Variants in LRRC37A2 observed in about 807,000 individuals in gnomAD.
LRRC37A2 encodes leucine-rich repeat-containing protein 37A2.
LRRC37A2 carries 9 observed loss-of-function variants against 68.8 expected under a neutral mutation model. The observed-to-expected ratio is 0.13, with a 90% CI of 0.08 to 0.23. The LOEUF is 0.23. Ranked by LOEUF, LRRC37A2 falls within the 10% of genes least tolerant of loss-of-function variation. LRRC37A2 has a pLI of 1.00. For missense variants in LRRC37A2, 168 were observed against 950.4 expected (o/e 0.18, Z 10.82); for synonymous variants, 63 against 367.6 (o/e 0.17, Z 9.48).
At chr17:46,773,921 C>T in the LRRC37A2 span, 1 of 1,610,238 alleles carries the variant, frequency 6.2e-7, no homozygotes, top group South Asian at 1.1e-5. Flanking sequence ...TGCAGGCAGA[C>T]AGAGGGTAGT....
chr17:46,712,616 G>A, the LRRC37A2 span, among the ~76,000 whole-genome samples: 1 of 152,228 alleles, frequency 6.6e-6, no homozygotes, highest in Non-Finnish European at 1.5e-5. Context: ...TGTTGGATAT[G>A]TGGGTCTGGC....
the LRRC37A2 span, among the ~76,000 whole-genome samples, chr17:46,824,762 C>A: frequency 6.6e-6 from 1 of 152,166 alleles, no homozygotes; most frequent in African/African-American, 2.4e-5. Context: ...ATAGAAGGGC[C>A]ACTGACTCAG....
chr17:46,860,482 C>G, the LRRC37A2 span, among the ~76,000 whole-genome samples: 3,719 of 152,246 alleles, frequency 0.024, 156 homozygotes, highest in African/African-American at 0.085. Flanking sequence ...AAATCTCCAT[C>G]TACCACTTAC....
chr17:47,002,365 C>T, the LRRC37A2 span, among the ~76,000 whole-genome samples: 1 of 144,782 alleles, frequency 6.9e-6, no homozygotes, highest in Non-Finnish European at 1.5e-5. Flanking sequence ...TCCAATTATA[C>T]ACTCTTAATT....
At chr17:46,798,926 T>C in the LRRC37A2 span, among the ~76,000 whole-genome samples, 1 of 151,668 alleles carries the variant, frequency 6.6e-6, no homozygotes, top group Non-Finnish European at 1.5e-5. Flanking sequence ...TGCGTGCCTG[T>C]AGTCCCAGCT....
the LRRC37A2 span, among the ~76,000 whole-genome samples, chr17:47,022,102 A>G: frequency 6.6e-6 from 1 of 150,534 alleles, no homozygotes; most frequent in Admixed American, 6.7e-5. Flanking sequence ...TCTCTTTAAA[A>G]TAAGAGGCAA....
intron 6 of LRRC37A2, among the ~76,000 whole-genome samples, chr17:46,537,189 G>A (rs1429473133): frequency 0.039 from 111 of 2,846 alleles, 8 homozygotes; most frequent in Non-Finnish European, 0.073. Context: ...TTTTTTTTGA[G>A]ACAGAGTCTC....
At chr17:46,882,785 T>C in the LRRC37A2 span, among the ~76,000 whole-genome samples, 2 of 152,180 alleles carry the variant, frequency 1.3e-5, no homozygotes, top group South Asian at 4.2e-4. Flanking sequence ...CTAGATGCCA[T>C]GGTAATGAGA....
the LRRC37A2 span, among the ~76,000 whole-genome samples, chr17:46,719,114 A>G: frequency 6.6e-6 from 1 of 152,220 alleles, no homozygotes; most frequent in Non-Finnish European, 1.5e-5. This position sits in a 1 kb window ranked among gnomAD's most constrained non-coding sequence, Gnocchi z 4.3. Flanking sequence ...TGCCAGTTGG[A>G]TAAGCAGAAG....
chr17:46,846,250 T>A, the LRRC37A2 span, among the ~76,000 whole-genome samples: 3 of 152,166 alleles, frequency 2.0e-5, no homozygotes, highest in Non-Finnish European at 4.4e-5. Flanking sequence ...AGAGGCAGGG[T>A]TTGTAGCCAT....
At chr17:46,494,516 A>G in the LRRC37A2 span, among the ~76,000 whole-genome samples, 1 of 149,870 alleles carries the variant, frequency 6.7e-6, no homozygotes, top group Admixed American at 6.6e-5. Context: ...CTTTATGAAC[A>G]CTGCAGTTTG....
At chr17:46,875,036 T>C in the LRRC37A2 span, 1 of 1,612,938 alleles carries the variant, frequency 6.2e-7, no homozygotes, top group East Asian at 2.2e-5. Context: ...AGGCAACCTC[T>C]AAGCTTCCTC....
the LRRC37A2 span, among the ~76,000 whole-genome samples, chr17:46,999,363 C>T: frequency 6.6e-6 from 1 of 152,110 alleles, no homozygotes; most frequent in Non-Finnish European, 1.5e-5. Context: ...TCCACAGTTG[C>T]TTTTTTTCTT....
chr17:46,722,153 G>C, the LRRC37A2 span: 5 of 1,611,756 alleles, frequency 3.1e-6, no homozygotes, highest in Admixed American at 3.3e-5. Flanking sequence ...CGATCTTGGC[G>C]CTCGAACTGA....
chr17:46,833,118 CAA>C, the LRRC37A2 span: 7 of 356,986 alleles, frequency 2.0e-5, no homozygotes, highest in Admixed American at 7.5e-5. Flanking sequence ...GGGTTGTTGA[CAA>C]AACGAGCTCA....
chr17:46,894,238 C>T, the LRRC37A2 span, among the ~76,000 whole-genome samples: 1 of 152,212 alleles, frequency 6.6e-6, no homozygotes, highest in Non-Finnish European at 1.5e-5. Context: ...GCTGAAGATG[C>T]AGCCACGTCC....
the LRRC37A2 span, among the ~76,000 whole-genome samples, chr17:46,840,702 C>T: frequency 6.6e-6 from 1 of 152,246 alleles, no homozygotes; most frequent in Non-Finnish European, 1.5e-5. Context: ...TTCTAACTGG[C>T]GTGAGATGGT....
At chr17:46,773,935 A>T in the LRRC37A2 span, 1 of 1,607,070 alleles carries the variant, frequency 6.2e-7, no homozygotes, top group Non-Finnish European at 8.5e-7. Flanking sequence ...GGGTAGTAAC[A>T]CTGTGGGCAC....
At chr17:47,024,636 T>C in the LRRC37A2 span, 8 of 1,041,402 alleles carry the variant, frequency 7.7e-6, no homozygotes, top group Non-Finnish European at 1.2e-5. Context: ...AGCAAATAGT[T>C]GTAGTTTGCA....
Sources: gnomAD v4.1 joint callset for allele counts (sites outside exome capture counted in the v4.1 genomes callset) on GRCh38, gnomAD v4.1.1 for gene constraint, Gnocchi (gnomAD v3.1) non-coding constraint, MANE v1.5 for transcripts, NCBI Gene and HGNC (gene_info 2026-07-23, HGNC 2026-07-21) for gene names.